The following ROBO2 variants were observed in gnomAD, a reference collection of about 807,000 sequenced individuals.
ROBO2 encodes roundabout guidance receptor 2, also known as roundabout homolog 2.
Under a neutral mutation model 160.8 loss-of-function variants are expected in ROBO2, and 53 were observed. The observed-to-expected ratio is 0.33, with a 90% CI of 0.26 to 0.41. The LOEUF (loss-of-function observed/expected upper bound fraction) is 0.41. Among genes scored for constraint, ROBO2 ranks in the 10% least tolerant of loss-of-function variants. The pLI is 1.00. For missense variants in ROBO2, 1,577 were observed against 1,722.4 expected (o/e 0.92, Z 1.49); for synonymous variants, 664 against 611.7 (o/e 1.09, Z -1.26).
At chr3:77,213,936 C>T (rs1446905313) in intron 2 of ROBO2, among the ~76,000 whole-genome samples, 2 of 152,090 alleles carry the variant, frequency 1.3e-5, no homozygotes, top group Non-Finnish European at 2.9e-5. Flanking sequence ...GCACTGTGGT[C>T]TGAGAGACAG....
intron 5 of ROBO2, among the ~76,000 whole-genome samples, chr3:77,496,198 A>C (rs191062420): frequency 6.6e-6 from 1 of 152,328 alleles, no homozygotes; most frequent in Non-Finnish European, 1.5e-5. Flanking sequence ...TAACCAGTTA[A>C]ATATTTTAAA....
intron 5 of ROBO2, among the ~76,000 whole-genome samples, chr3:77,494,806 T>G (rs2086584257): frequency 6.6e-6 from 1 of 152,250 alleles, no homozygotes; most frequent in Non-Finnish European, 1.5e-5. Flanking sequence ...TTGAATAAAC[T>G]GGATTCAAAT....
At chr3:76,702,561 G>C (rs76061402) in intron 2 of ROBO2, among the ~76,000 whole-genome samples, 2 of 136,826 alleles carry the variant, frequency 1.5e-5, no homozygotes, top group African/African-American at 5.6e-5. Context: ...CAGAGAAAGA[G>C]AGAGAATTAG....
intron 2 of ROBO2, among the ~76,000 whole-genome samples, chr3:77,199,755 T>C (rs1185826683): frequency 6.6e-6 from 1 of 150,866 alleles, no homozygotes; most frequent in South Asian, 2.1e-4. Flanking sequence ...CCTGAGTAGG[T>C]GGGACAACAC....
intron 2 of ROBO2, among the ~76,000 whole-genome samples, chr3:76,354,674 T>G (rs2075054962): frequency 2.6e-5 from 4 of 151,964 alleles, no homozygotes; most frequent in Admixed American, 1.3e-4. Context: ...CACAAATCAC[T>G]GTCACACATT....
intron 2 of ROBO2, among the ~76,000 whole-genome samples, chr3:76,994,032 C>T (rs1254109324): frequency 6.6e-6 from 1 of 151,762 alleles, no homozygotes; most frequent in African/African-American, 2.4e-5. Flanking sequence ...GAGGATCACA[C>T]ATTCTGAGTT....
intron 2 of ROBO2, among the ~76,000 whole-genome samples, chr3:76,784,675 A>G (rs2062863604): frequency 6.6e-6 from 1 of 151,098 alleles, no homozygotes; most frequent in African/African-American, 2.4e-5. Flanking sequence ...AGGTACACAA[A>G]AGAGTCATCC....
intron 2 of ROBO2, among the ~76,000 whole-genome samples, chr3:76,565,207 A>G (rs1370859129): frequency 1.3e-5 from 2 of 152,232 alleles, no homozygotes; most frequent in African/African-American, 4.8e-5. Flanking sequence ...GTCTCAGAGG[A>G]ATACAGATAA....
At chr3:76,236,378 G>T (rs1704944545) in intron 2 of ROBO2, among the ~76,000 whole-genome samples, 1 of 151,998 alleles carries the variant, frequency 6.6e-6, no homozygotes, top group African/African-American at 2.4e-5. Context: ...CATTCCTTTT[G>T]TATAAAAATG....
chr3:76,453,017 G>A (rs1164448804), intron 2 of ROBO2, among the ~76,000 whole-genome samples: 1 of 151,982 alleles, frequency 6.6e-6, no homozygotes, highest in Non-Finnish European at 1.5e-5. Flanking sequence ...CTTTTTGATG[G>A]GGTTGTTTGT....
intron 2 of ROBO2, among the ~76,000 whole-genome samples, chr3:76,721,741 C>T (rs1389241042): frequency 6.6e-6 from 1 of 152,190 alleles, no homozygotes; most frequent in Non-Finnish European, 1.5e-5. Flanking sequence ...TTTTTATTGT[C>T]ATGATCATAA....
chr3:75,983,333 TACTGAA>T (rs2065329977), intron 2 of ROBO2, among the ~76,000 whole-genome samples: 1 of 151,484 alleles, frequency 6.6e-6, no homozygotes, highest in Non-Finnish European at 1.5e-5. Flanking sequence ...GTTGGCAGTG[TACTGAA>T]AGCACATTTT....
chr3:77,427,062 G>A (rs2078284440), intron 2 of ROBO2, among the ~76,000 whole-genome samples: 1 of 152,102 alleles, frequency 6.6e-6, no homozygotes, highest in Admixed American at 6.5e-5. Flanking sequence ...ATTTCTACAT[G>A]GAAGGTGTGC....
At chr3:77,146,490 TATC>T (rs2077131897) in intron 2 of ROBO2, among the ~76,000 whole-genome samples, 1 of 152,190 alleles carries the variant, frequency 6.6e-6, no homozygotes, top group Non-Finnish European at 1.5e-5. Context: ...TCATTTTGAT[TATC>T]ATATCTATCA....
At chr3:76,009,948 T>C (rs1386052525) in intron 2 of ROBO2, among the ~76,000 whole-genome samples, 1 of 152,238 alleles carries the variant, frequency 6.6e-6, no homozygotes, top group Non-Finnish European at 1.5e-5. Flanking sequence ...TATTTTTTTT[T>C]CTAATCAGTG....
At chr3:77,077,227 G>A (rs2149890282) in intron 1 of ROBO2, among the ~76,000 whole-genome samples, 1 of 152,286 alleles carries the variant, frequency 6.6e-6, no homozygotes, top group Non-Finnish European at 1.5e-5. Context: ...CACAAAGCTT[G>A]TGGTGAGAAT....
chr3:77,175,416 T>G (rs1365956815), intron 2 of ROBO2, among the ~76,000 whole-genome samples: 1 of 152,022 alleles, frequency 6.6e-6, no homozygotes, highest in Non-Finnish European at 1.5e-5. Context: ...GGAATGATAA[T>G]GTAGAGGTCC....
chr3:76,740,093 A>G (rs1210711319), intron 2 of ROBO2, among the ~76,000 whole-genome samples: 1 of 152,214 alleles, frequency 6.6e-6, no homozygotes, highest in East Asian at 1.9e-4. Flanking sequence ...GAACAACTTT[A>G]TCGTTAAATC....
intron 2 of ROBO2, among the ~76,000 whole-genome samples, chr3:77,213,710 G>A (rs1229010346): frequency 6.6e-6 from 1 of 151,676 alleles, no homozygotes; most frequent in African/African-American, 2.4e-5. Context: ...TCTCTTGTGG[G>A]CATTTAGTGC....
Sources: allele counts gnomAD v4.1 joint callset (sites outside exome capture counted in the v4.1 genomes callset), GRCh38; gene constraint gnomAD v4.1.1; transcripts MANE v1.5; gene names NCBI Gene and HGNC (gene_info 2026-07-23, HGNC 2026-07-21).